FREM1: variants seen among roughly 807,000 people sequenced by gnomAD.
The protein encoded by FREM1 is FRAS1-related extracellular matrix protein 1.
In FREM1, 220 loss-of-function variants were observed where a neutral mutation model predicts 210.1. That is an observed-to-expected ratio of 1.05 (90% CI 0.94 to 1.17). FREM1 has a LOEUF of 1.17. FREM1 is among the 50% of genes most tolerant of loss of function. The probability of loss-of-function intolerance (pLI) is 0.00; values close to 1 mark genes in which losing one functional copy is unlikely to be tolerated. For missense variants in FREM1, 3,454 were observed against 2,675.5 expected (o/e 1.29, Z -6.42); for synonymous variants, 1,189 against 980.2 (o/e 1.21, Z -3.98).
intron 33 of FREM1, 75 bp from the exon 34 acceptor site, chr9:14,747,126 G>C: frequency 1.9e-6 from 3 of 1,598,608 alleles, no homozygotes; most frequent in Non-Finnish European, 2.6e-6. Flanking sequence ...CCTCCTTTGG[G>C]TCTTCATTTG....
chr9:14,901,455 G>A (rs772581829), intron 1 of FREM1, among the ~76,000 whole-genome samples: 6 of 151,946 alleles, frequency 3.9e-5, no homozygotes, highest in Non-Finnish European at 5.9e-5. Flanking sequence ...AATCTTGTTC[G>A]TTTCAGCCCA....
At chr9:14,870,737 C>T (rs992863463) in intron 1 of FREM1, among the ~76,000 whole-genome samples, 30 of 151,700 alleles carry the variant, frequency 2.0e-4, no homozygotes, top group Admixed American at 1.8e-3. Flanking sequence ...ATGTGCCATG[C>T]TGGTGTGCTG....
intron 16 of FREM1, among the ~76,000 whole-genome samples, chr9:14,809,593 A>C (rs917691635): frequency 2.6e-5 from 4 of 152,264 alleles, no homozygotes; most frequent in Admixed American, 2.6e-4. Context: ...TCAGCCGTCA[A>C]TGTGAGAAAG....
intron 10 of FREM1, among the ~76,000 whole-genome samples, chr9:14,839,432 A>C (rs1825233983): frequency 6.6e-6 from 1 of 152,198 alleles, no homozygotes; most frequent in Non-Finnish European, 1.5e-5. Context: ...CTGGATAAAC[A>C]TTTAGGGGCC....
intron 13 of FREM1, among the ~76,000 whole-genome samples, chr9:14,819,774 C>G (rs1450731671): frequency 6.6e-6 from 1 of 152,122 alleles, no homozygotes; most frequent in Non-Finnish European, 1.5e-5. Flanking sequence ...AATTTTCATC[C>G]TCAGGTCCAT....
At chr9:14,865,689 G>T (rs991730975) in intron 2 of FREM1, among the ~76,000 whole-genome samples, 1 of 151,560 alleles carries the variant, frequency 6.6e-6, no homozygotes, top group Non-Finnish European at 1.5e-5. Context: ...GTGTGTGTGT[G>T]TGTGTGTGTG....
intron 23 of FREM1, 34 bp from the exon 24 acceptor site, chr9:14,784,668 T>A (rs1276255782): frequency 6.3e-6 from 9 of 1,436,068 alleles, no homozygotes; most frequent in Non-Finnish European, 8.3e-6. Flanking sequence ...TCAATAATCA[T>A]ATCAAAAAAC....
intron 1 of FREM1, among the ~76,000 whole-genome samples, chr9:14,891,873 A>G (rs1836878683): frequency 6.6e-6 from 1 of 152,292 alleles, no homozygotes; most frequent in South Asian, 2.1e-4. Flanking sequence ...GTTCAATAAG[A>G]GGTAACTTTA....
intron 24 of FREM1, among the ~76,000 whole-genome samples, chr9:14,778,022 G>C (rs1204685074): frequency 6.6e-6 from 1 of 152,094 alleles, no homozygotes; most frequent in South Asian, 2.1e-4. Context: ...TGTCCAAAAA[G>C]TTAAAATTGC....
chr9:14,762,542 G>C (rs1044501378), intron 27 of FREM1, among the ~76,000 whole-genome samples: 2 of 152,140 alleles, frequency 1.3e-5, no homozygotes, highest in African/African-American at 4.8e-5. Context: ...GCATTTCCCT[G>C]ATGCACCATT....
chr9:14,789,834 T>A (rs1328599077), intron 22 of FREM1, among the ~76,000 whole-genome samples: 2 of 152,088 alleles, frequency 1.3e-5, no homozygotes, highest in East Asian at 3.9e-4. Context: ...CTGAGGGGGG[T>A]GGCTAACAAC....
chr9:14,850,724 C>T (rs1827557456), intron 6 of FREM1, among the ~76,000 whole-genome samples: 1 of 152,098 alleles, frequency 6.6e-6, no homozygotes, highest in South Asian at 2.1e-4. Context: ...AACTTAAACA[C>T]ACCAAAAAAA....
At chr9:14,776,286 T>G in intron 24 of FREM1, 83 bp from the exon 25 acceptor site, 1 of 1,401,790 alleles carries the variant, frequency 7.1e-7, no homozygotes, top group Non-Finnish European at 9.5e-7. Flanking sequence ...ATACACACCT[T>G]TACTAAAGGG....
At chr9:14,747,590 T>C (rs1587675602) in intron 32 of FREM1, 91 bp downstream of exon 32, 3 of 1,013,654 alleles carry the variant, frequency 3.0e-6, no homozygotes, top group Non-Finnish European at 4.2e-6. Context: ...TTAAGAGAAA[T>C]GTATAAATAT....
At chr9:14,751,505 CAAAAAT>C (rs1002107050) in intron 29 of FREM1, among the ~76,000 whole-genome samples, 1 of 152,100 alleles carries the variant, frequency 6.6e-6, no homozygotes, top group African/African-American at 2.4e-5. Flanking sequence ...AAAACAAAAA[CAAAAAT>C]TAGGTGGGCG....
chr9:14,769,028 A>G (rs951646417), intron 27 of FREM1, among the ~76,000 whole-genome samples: 1 of 152,300 alleles, frequency 6.6e-6, no homozygotes, highest in East Asian at 1.9e-4. Context: ...TTCTATGACT[A>G]TCTGTTAGCT....
Position 14,746,376 on chromosome 9 carries a change from C to T in FREM1, c.6231G>A (p.Ala2077=), listed in dbSNP as rs148735553. The change falls in exon 35 of 37, where the codon GCG becomes GCA. Residue 2077 remains alanine, a synonymous_variant. Transcript: ENST00000380880. ...LITEQKGTWN[A]AAQACREQYL... Reference sequence around the variant, plus strand: ...ACTGTTCCCTGCAAGCTTGGGCAGCCGCATTCCAGGTGCCTTTCTGCTCTG... The same window carrying T: ...ACTGTTCCCTGCAAGCTTGGGCAGCTGCATTCCAGGTGCCTTTCTGCTCTG... 2.5e-5 allele frequency: 41 copies of T among 1,613,594 alleles called. No homozygotes were observed. The African/African-American group carries it at 2.7e-4, about 10-fold the overall frequency.
intron 36 of FREM1, among the ~76,000 whole-genome samples, chr9:14,739,271 T>A (rs919241537): frequency 1.3e-5 from 2 of 150,742 alleles, no homozygotes; most frequent in African/African-American, 2.4e-5. Context: ...GCCTGGCTAA[T>A]TTTTAAATTT....
chr9:14,822,015 G>A (rs950087365), intron 13 of FREM1, among the ~76,000 whole-genome samples: 5 of 152,056 alleles, frequency 3.3e-5, no homozygotes, highest in Admixed American at 6.5e-5. Flanking sequence ...TGAATCATAG[G>A]GGCAGTTTCC....
Sources: allele counts gnomAD v4.1 joint callset (sites outside exome capture counted in the v4.1 genomes callset), GRCh38; gene constraint gnomAD v4.1.1; transcripts MANE v1.5; gene names NCBI Gene and HGNC (gene_info 2026-07-23, HGNC 2026-07-21).